Variants in ZNF212 observed in about 807,000 individuals in gnomAD.
The protein encoded by ZNF212 is zinc finger protein 212.
Under a neutral mutation model 47.3 loss-of-function variants are expected in ZNF212, and 32 were observed. The observed-to-expected ratio is 0.68, with a 90% CI of 0.51 to 0.91. The LOEUF is 0.91. Among genes scored for constraint, ZNF212 ranks in the 40% least tolerant of loss-of-function variants. The pLI is 0.00. For synonymous variants in ZNF212, 242 were observed against 253.8 expected (o/e 0.95, Z 0.44); for missense variants, 555 against 622.8 (o/e 0.89, Z 1.16).
intron 1 of ZNF212, among the ~76,000 whole-genome samples, chr7:149,247,785 C>G (rs1796698333): frequency 6.6e-6 from 1 of 152,110 alleles, no homozygotes; most frequent in African/African-American, 2.4e-5. Context: ...AGCATAAGTC[C>G]AGTCTCTGCC....
intron 1 of ZNF212, among the ~76,000 whole-genome samples, chr7:149,245,303 C>CATG (rs752675846): frequency 4.1e-5 from 6 of 148,020 alleles, no homozygotes; most frequent in African/African-American, 7.5e-5. Flanking sequence ...AAGCTGAGAT[C>CATG]ATGCCACTGC....
chr7:149,251,717 T>A (rs1796762076), intron 3 of ZNF212, among the ~76,000 whole-genome samples: 1 of 151,816 alleles, frequency 6.6e-6, no homozygotes, highest in South Asian at 2.1e-4. Context: ...CTTGAACTTC[T>A]GGGCTCAAGT....
rs769921305 is a variant in ZNF212 at position 149,250,804 on chromosome 7, CTGAG to C, written c.541+3_541+6del. ...GAGTAACTATGAGACACTGGTCTCT[CTGAG>C]TGAGTAGCAGTTTTCTCCCTAGAAT... On this transcript the variant is annotated splice_donor_variant and coding_sequence_variant, in exon 3 of 5. Coordinates refer to ENST00000335870, the MANE Select transcript of ZNF212 (RefSeq NM_012256.4). LOFTEE classifies it high-confidence loss of function. The C allele has an allele frequency of 1.2e-6, 2 of 1,614,224 alleles. No individual in the cohort carries two copies. The highest frequency in any genetic ancestry group is 1.1e-5 in the South Asian group (1 of 91,080).
At position 149,253,733 on chromosome 7, in the gene ZNF212, C is replaced by A. The variant is rs769817019; in HGVS notation, c.806C>A (p.Thr269Asn). 1 of 1,614,128 alleles carries A rather than the reference C, an allele frequency of 6.2e-7. No individual in the cohort carries two copies. The highest frequency in any genetic ancestry group is 8.5e-7 in the Non-Finnish European group (1 of 1,179,974). ...TTGGAAACAGGTCCTGGGGACTCTA[C>A]TCTAGAGGAGCCTGTTGGTAGTAGA... is the stretch of plus-strand genomic sequence containing the variant. ...VLLETGPGDSTLEEPVGSRVP... is the reference protein window; with the variant it reads ...VLLETGPGDSNLEEPVGSRVP... Residue 269 changes from threonine (T) to asparagine (N), a missense_variant, in exon 5 of 5, where the codon ACT becomes AAT. By Grantham distance (65) the Thr-to-Asn change is moderately conservative. Transcript: ENST00000335870.
intron 1 of ZNF212, among the ~76,000 whole-genome samples, chr7:149,240,545 T>C (rs1585589329): frequency 1.3e-5 from 2 of 152,224 alleles, no homozygotes; most frequent in East Asian, 1.9e-4. Flanking sequence ...CTGGGTCTCT[T>C]TCGTTTTCTT....
At chr7:149,252,678 G>C (rs1353211560) in intron 3 of ZNF212, 28 bp from the exon 4 acceptor site, 10 of 1,609,930 alleles carry the variant, frequency 6.2e-6, no homozygotes, top group Non-Finnish European at 8.5e-6. Context: ...CTCTCTCCTG[G>C]GCTCACACTG....
intron 1 of ZNF212, 23 bp downstream of exon 1, chr7:149,239,825 G>T: frequency 7.9e-7 from 1 of 1,271,102 alleles, no homozygotes; most frequent in Non-Finnish European, 1.0e-6. Context: ...CGGCGCGCTG[G>T]CTCGAGGGCG....
chr7:149,244,903 C>A (rs1247487523), intron 1 of ZNF212, among the ~76,000 whole-genome samples: 5 of 152,116 alleles, frequency 3.3e-5, no homozygotes, highest in African/African-American at 1.2e-4. Context: ...GACGAACCAT[C>A]CATGTGCCAC....
intron 1 of ZNF212, among the ~76,000 whole-genome samples, chr7:149,242,021 C>CTTTTTTTTTTTTTTTTTTT (rs34883587): frequency 8.2e-5 from 10 of 121,336 alleles, no homozygotes; most frequent in Non-Finnish European, 1.2e-4. Flanking sequence ...CTTTTCTTTT[C>CTTTTTTTTTTTTTTTTTTT]TTTTTTTTTT....
Position 149,253,706 on chromosome 7 carries a change from T to G in ZNF212, c.779T>G (p.Leu260Arg), listed in dbSNP as rs1796792970. The G allele has an allele frequency of 1.2e-6, 2 of 1,614,138 alleles. No homozygotes were observed. Among genetic ancestry groups the G allele is most frequent in the African/African-American group, 2.7e-5 (2 of 75,040 alleles). ...ELWGGQGSSV[L>R]LETGPGDSTL... ...TGGGGTGGTCAGGGCAGTTCTGTCC[T>G]CTTGGAAACAGGTCCTGGGGACTCT... is the stretch of plus-strand genomic sequence containing the variant. The change falls in exon 5 of 5, where the codon CTC becomes CGC. Residue 260 changes from leucine (L) to arginine (R), a missense_variant. Leu to Arg is a moderately radical substitution (Grantham distance 102). Coordinates refer to ENST00000335870, the MANE Select transcript of ZNF212 (RefSeq NM_012256.4).
chr7:149,250,978 G>A (rs1421953829), intron 3 of ZNF212, among the ~76,000 whole-genome samples, 171 bp downstream of exon 3: 4 of 151,988 alleles, frequency 2.6e-5, no homozygotes, highest in Non-Finnish European at 4.4e-5. Flanking sequence ...ACCTGCACGG[G>A]TGGAGAAATG....
chr7:149,246,530 C>T (rs183824968), intron 1 of ZNF212, among the ~76,000 whole-genome samples: 2 of 152,174 alleles, frequency 1.3e-5, no homozygotes, highest in African/African-American at 4.8e-5. Flanking sequence ...CTACAGGCAC[C>T]TGCCACCACA....
At chr7:149,249,851 A>C (rs950421889) in intron 1 of ZNF212, among the ~76,000 whole-genome samples, 2 of 151,988 alleles carry the variant, frequency 1.3e-5, no homozygotes, top group Non-Finnish European at 2.9e-5. Flanking sequence ...CTGGTGTCAA[A>C]CTCCTGAGCT....
In ZNF212 at chr7:149,250,423, C is replaced by T; in HGVS notation, c.289C>T (p.Leu97=). The T allele has an allele frequency of 6.2e-7, 1 of 1,614,150 alleles. No homozygotes were observed. The highest frequency in any genetic ancestry group is 8.5e-7 in the Non-Finnish European group (1 of 1,180,024). ...GNQLEGKWAV[L]GTLLQEYGLL... is the part of the protein sequence containing the mutation. ...CCAGCTGGAGGGCAAGTGGGCCGTG[C>T]TGGGGACCCTGCTGCAGGAGTATGG... The change falls in exon 2 of 5, where the codon CTG becomes TTG. Residue 97 remains leucine (L), a synonymous_variant. Transcript: ENST00000335870.
chr7:149,245,691 G>A (rs1422578840), intron 1 of ZNF212, among the ~76,000 whole-genome samples: 1 of 152,090 alleles, frequency 6.6e-6, no homozygotes, highest in Non-Finnish European at 1.5e-5. Context: ...TCTTTTTGTA[G>A]AGATGGGATT....
rs542200404 is a variant in ZNF212 at position 149,249,572 on chromosome 7, T to A, written c.25-587T>A. Among the ~76,000 whole-genome samples the A allele has an allele frequency of 5.1e-4, 74 of 146,128 alleles. No homozygotes were observed. The South Asian group carries it at 7.6e-3, about 15-fold the overall frequency. ...TAATTTCACTTTTGTTGAAAAAAAA[T>A]AAACTAAAAGATGAAAAAAAACTTT... On this transcript the variant is annotated intron_variant, in intron 1 of 4. Coordinates refer to ENST00000335870, the MANE Select transcript of ZNF212 (RefSeq NM_012256.4).
chr7:149,245,660 C>T (rs184111225), intron 1 of ZNF212, among the ~76,000 whole-genome samples: 2 of 152,238 alleles, frequency 1.3e-5, no homozygotes, highest in Admixed American at 1.3e-4. Flanking sequence ...CACCTGTCAT[C>T]ATGCCTGGCT....
rs77827633 is a variant in ZNF212 at position 149,253,695 on chromosome 7, C to T, written c.768C>T (p.Gly256=). The T allele has an allele frequency of 1.2e-6, 2 of 1,614,138 alleles. No homozygotes were observed. The highest frequency in any genetic ancestry group is 1.7e-6 in the Non-Finnish European group (2 of 1,180,018). ...PEQTELWGGQ[G]SSVLLETGPG... ...AGACCGAACTCTGGGGTGGTCAGGGCAGTTCTGTCCTCTTGGAAACAGGTC... is the reference window on the plus strand; with the variant it reads ...AGACCGAACTCTGGGGTGGTCAGGGTAGTTCTGTCCTCTTGGAAACAGGTC... Residue 256 remains glycine, a synonymous_variant, in exon 5 of 5, where the codon GGC becomes GGT. Transcript: ENST00000335870.
chr7:149,253,487 G>A (rs1796787275), intron 4 of ZNF212, 72 bp from the exon 5 acceptor site: 10 of 1,510,840 alleles, frequency 6.6e-6, no homozygotes, highest in Non-Finnish European at 8.8e-6. Context: ...ATTCACAGAT[G>A]TTTGTTTGGT....
Sources: gnomAD v4.1 joint callset for allele counts (sites outside exome capture counted in the v4.1 genomes callset) on GRCh38, gnomAD v4.1.1 for gene constraint, MANE v1.5 for transcripts, NCBI Gene and HGNC (gene_info 2026-07-23, HGNC 2026-07-21) for gene names.